The following CRADD variants were observed in gnomAD, a reference collection of about 807,000 sequenced individuals.
CRADD encodes the protein death domain-containing protein CRADD.
CRADD carries 9 observed loss-of-function variants against 15.5 expected under a neutral mutation model. The ratio of observed to expected loss-of-function variants is 0.58; its 90% CI spans 0.35 to 1.01. The LOEUF (loss-of-function observed/expected upper bound fraction) is 1.01, where lower values mean the gene tolerates loss of function less well. CRADD is among the 50% of genes least tolerant of loss of function. The pLI, the probability that CRADD is intolerant of heterozygous loss-of-function variation, is 0.02. For synonymous variants in CRADD, 118 were observed against 107.6 expected (o/e 1.10, Z -0.60); for missense variants, 227 against 250.3 (o/e 0.91, Z 0.63).
intron 2 of CRADD, among the ~76,000 whole-genome samples, chr12:93,889,459 G>T (rs935058619): frequency 1.3e-5 from 2 of 152,142 alleles, no homozygotes; most frequent in African/African-American, 2.4e-5. Flanking sequence ...AATTCATGAT[G>T]ACAGATAAAA....
chr12:93,779,776 A>G (rs937095891), intron 2 of CRADD, among the ~76,000 whole-genome samples: 1 of 152,048 alleles, frequency 6.6e-6, no homozygotes, highest in Non-Finnish European at 1.5e-5. Flanking sequence ...TTTTTGGTAG[A>G]GAGAGTTTCA....
At chr12:93,776,327 G>A (rs1307655609) in intron 2 of CRADD, among the ~76,000 whole-genome samples, 1 of 152,146 alleles carries the variant, frequency 6.6e-6, no homozygotes, top group African/African-American at 2.4e-5. Flanking sequence ...CTTGTAAAGG[G>A]GTTATTTGTA....
At chr12:93,793,565 G>A (rs1270694151) in intron 2 of CRADD, among the ~76,000 whole-genome samples, 3 of 152,200 alleles carry the variant, frequency 2.0e-5, no homozygotes, top group African/African-American at 7.2e-5. Context: ...CTCAGTGAGA[G>A]CACTGTATAA....
At chr12:93,853,519 C>G (rs529991157), downstream of CRADD, among the ~76,000 whole-genome samples, 1 of 152,322 alleles carries the variant, frequency 6.6e-6, no homozygotes, top group East Asian at 1.9e-4. Context: ...CTTTCACTCT[C>G]AAAACCATTG....
intron 2 of CRADD, among the ~76,000 whole-genome samples, chr12:93,704,594 C>T (rs564688451): frequency 2.0e-5 from 3 of 152,302 alleles, no homozygotes; most frequent in South Asian, 4.1e-4. Context: ...TGTACTTTCC[C>T]GTAAAACGTT....
rs149520492 is a variant in CRADD at position 93,847,902 on chromosome 12, C to G, written c.299-2068C>G. Among the ~76,000 whole-genome samples the G allele has an allele frequency of 8.3e-4, 126 of 152,290 alleles. 1 individual carries two copies. The highest frequency in any genetic ancestry group is 2.9e-3 in the African/African-American group (121 of 41,550). On this transcript the variant is annotated intron_variant, in intron 2 of 2. Coordinates refer to ENST00000332896, the MANE Select transcript of CRADD (RefSeq NM_003805.5). The stretch of plus-strand genomic sequence containing the variant: ...TGTTTTCAAGTATGTTAACTTGTAA[C>G]CGCTGGTCAGAATGTCATTTTGTTT...
At chr12:93,760,794 C>T (rs529555273) in intron 2 of CRADD, among the ~76,000 whole-genome samples, 1 of 152,176 alleles carries the variant, frequency 6.6e-6, no homozygotes, top group East Asian at 1.9e-4. Context: ...TCAGGTGCCT[C>T]CACAGTTCTC....
At chr12:93,679,126 C>T (rs183387077) in intron 2 of CRADD, 54 bp downstream of exon 2, 1 of 1,406,896 alleles carries the variant, frequency 7.1e-7, no homozygotes, top group Admixed American at 2.0e-5. Context: ...TAACTATGCT[C>T]TTTGCTTTTT....
At chr12:93,726,927 A>G (rs1207412113) in intron 2 of CRADD, among the ~76,000 whole-genome samples, 1 of 152,220 alleles carries the variant, frequency 6.6e-6, no homozygotes, top group Non-Finnish European at 1.5e-5. Context: ...TAACAAGACG[A>G]AGCAGGAACC....
At chr12:93,843,987 G>T (rs1421487717) in intron 2 of CRADD, among the ~76,000 whole-genome samples, 1 of 152,128 alleles carries the variant, frequency 6.6e-6, no homozygotes, top group Non-Finnish European at 1.5e-5. Flanking sequence ...TTCCCAAAGT[G>T]CTGGGATTAC....
chr12:93,747,125 AT>A (rs1305509014), intron 2 of CRADD, among the ~76,000 whole-genome samples: 1 of 152,192 alleles, frequency 6.6e-6, no homozygotes, highest in African/African-American at 2.4e-5. Context: ...CACTAGTATT[AT>A]AAACTTTAAC....
At chr12:93,820,950 G>T (rs1317958266) in intron 2 of CRADD, among the ~76,000 whole-genome samples, 2 of 152,214 alleles carry the variant, frequency 1.3e-5, no homozygotes, top group Non-Finnish European at 1.5e-5. Context: ...ACATGCTCTA[G>T]AGTAGATCAT....
chr12:93,687,508 A>G (rs979437174), intron 2 of CRADD, among the ~76,000 whole-genome samples: 1 of 152,168 alleles, frequency 6.6e-6, no homozygotes, highest in Non-Finnish European at 1.5e-5. Flanking sequence ...AAAGGCACAC[A>G]CGGGCATGCC....
chr12:93,888,285 C>T (rs1958552039), intron 2 of CRADD, among the ~76,000 whole-genome samples: 1 of 151,982 alleles, frequency 6.6e-6, no homozygotes, highest in Non-Finnish European at 1.5e-5. Flanking sequence ...AATTAGCGGG[C>T]ATGGTGGTGG....
intron 2 of CRADD, among the ~76,000 whole-genome samples, chr12:93,752,367 T>A (rs1352274644): frequency 1.3e-5 from 2 of 152,224 alleles, no homozygotes; most frequent in African/African-American, 4.8e-5. Context: ...GATTTTAGGT[T>A]ATGTTAGTGA....
At chr12:93,844,771 C>G (rs1177014285) in intron 2 of CRADD, among the ~76,000 whole-genome samples, 4 of 152,138 alleles carry the variant, frequency 2.6e-5, no homozygotes. Flanking sequence ...GCTCTTGCAG[C>G]AAGCAAACAA....
intron 2 of CRADD, among the ~76,000 whole-genome samples, chr12:93,724,124 C>T (rs1470846209): frequency 6.6e-6 from 1 of 151,968 alleles, no homozygotes; most frequent in African/African-American, 2.4e-5. Context: ...ACCTGTAATC[C>T]CAGCACTTAC....
chr12:93,880,938 A>ATTT (rs1958495029), intron 2 of CRADD, among the ~76,000 whole-genome samples: 1 of 152,240 alleles, frequency 6.6e-6, no homozygotes, highest in African/African-American at 2.4e-5. Context: ...CAGAAATAAG[A>ATTT]ACTAACACCT....
rs142091962 is a variant in CRADD, at chr12:93,844,237, C to T, written c.299-5733C>T. On this transcript the variant is annotated intron_variant, in intron 2 of 2. Transcript: ENST00000332896. Reference sequence around the variant, plus strand: ...CTTTGAGAAGTAGTAGCCAGATGGTCGCAGTGGATTAATTTATGGCTTGAC... The same window carrying T: ...CTTTGAGAAGTAGTAGCCAGATGGTTGCAGTGGATTAATTTATGGCTTGAC... Among the ~76,000 whole-genome samples the T allele has an allele frequency of 2.2e-4, 33 of 152,260 alleles. No individual in the cohort carries two copies. In the East Asian group the frequency reaches 5.6e-3, roughly 26 times the overall value.
Sources: allele counts gnomAD v4.1 joint callset (sites outside exome capture counted in the v4.1 genomes callset), GRCh38; gene constraint gnomAD v4.1.1; transcripts MANE v1.5; gene names NCBI Gene and HGNC (gene_info 2026-07-23, HGNC 2026-07-21).